Variants in UBE2H observed in about 807,000 individuals in gnomAD.
UBE2H encodes the protein ubiquitin-conjugating enzyme E2 H.
In UBE2H, 3 loss-of-function variants were observed where a neutral mutation model predicts 29.0. That is an observed-to-expected ratio of 0.10 (90% CI 0.05 to 0.27). The LOEUF (loss-of-function observed/expected upper bound fraction) is 0.27. Ranked by LOEUF, UBE2H falls within the 10% of genes least tolerant of loss-of-function variation. The pLI, the probability that UBE2H is intolerant of heterozygous loss-of-function variation, is 1.00. For synonymous variants in UBE2H, 69 were observed against 82.9 expected (o/e 0.83, Z 0.91); for missense variants, 68 against 228.2 (o/e 0.30, Z 4.52).
At chr7:129,842,809 A>T (rs1158294523) in intron 5 of UBE2H, among the ~76,000 whole-genome samples, 1 of 151,810 alleles carries the variant, frequency 6.6e-6, no homozygotes, top group Non-Finnish European at 1.5e-5. Flanking sequence ...AGGCTGAGGC[A>T]GGAGAATTGC....
intron 1 of UBE2H, among the ~76,000 whole-genome samples, chr7:129,942,499 A>C (rs1807668343): frequency 6.6e-6 from 1 of 152,160 alleles, no homozygotes; most frequent in African/African-American, 2.4e-5. Context: ...CACACACACA[A>C]AAATTCCAGG....
chr7:129,902,143 A>C (rs1176047914), intron 1 of UBE2H, among the ~76,000 whole-genome samples: 2 of 152,214 alleles, frequency 1.3e-5, no homozygotes, highest in Non-Finnish European at 2.9e-5. Flanking sequence ...ATGAATAAAA[A>C]AATGTAACTT....
intron 1 of UBE2H, among the ~76,000 whole-genome samples, chr7:129,898,847 C>T (rs1437610468): frequency 6.7e-6 from 1 of 149,152 alleles, no homozygotes; most frequent in African/African-American, 2.5e-5. Flanking sequence ...AAAAACATGA[C>T]TGGGGCTTAA....
At chr7:129,863,808 G>GTTTTTTTTTTTCTGTTT (rs1554432032) in intron 3 of UBE2H, among the ~76,000 whole-genome samples, 50 of 136,044 alleles carry the variant, frequency 3.7e-4, no homozygotes, top group Middle Eastern at 7.5e-3. Flanking sequence ...AATACTAGGT[G>GTTTTTTTTTTTCTGTTT]TTTTTTTTTT....
chr7:129,895,697 G>A (rs1008743996), intron 1 of UBE2H, among the ~76,000 whole-genome samples: 5 of 151,972 alleles, frequency 3.3e-5, no homozygotes, highest in African/African-American at 1.2e-4. Flanking sequence ...TCAGGAGATC[G>A]AGACCATCCT....
At chr7:129,889,564 C>G (rs1044605629) in intron 1 of UBE2H, among the ~76,000 whole-genome samples, 1 of 152,224 alleles carries the variant, frequency 6.6e-6, no homozygotes, top group African/African-American at 2.4e-5. Context: ...CCACTTACTC[C>G]TAACATTCCC....
chr7:129,917,145 G>A (rs1244795187), intron 1 of UBE2H, among the ~76,000 whole-genome samples: 1 of 152,058 alleles, frequency 6.6e-6, no homozygotes, highest in Non-Finnish European at 1.5e-5. Flanking sequence ...AGTGAGCCGA[G>A]ATCGTGCCAC....
intron 1 of UBE2H, among the ~76,000 whole-genome samples, chr7:129,925,381 G>A (rs898097345): frequency 4.0e-5 from 6 of 151,794 alleles, no homozygotes; most frequent in African/African-American, 7.3e-5. Flanking sequence ...AAAAATTCAC[G>A]GTGTTCTCCA....
chr7:129,918,771 T>A (rs140193947), intron 1 of UBE2H, among the ~76,000 whole-genome samples: 4 of 152,268 alleles, frequency 2.6e-5, no homozygotes, highest in African/African-American at 7.2e-5. Context: ...TCTATGTATA[T>A]GTTTAACATG....
intron 1 of UBE2H, among the ~76,000 whole-genome samples, chr7:129,933,617 A>T (rs1023417914): frequency 1.3e-5 from 2 of 151,338 alleles, no homozygotes; most frequent in Non-Finnish European, 3.0e-5. Flanking sequence ...AATGAACACT[A>T]CATAAAAAGG....
intron 5 of UBE2H, among the ~76,000 whole-genome samples, chr7:129,848,201 C>T (rs1255158706): frequency 5.3e-5 from 8 of 152,042 alleles, no homozygotes; most frequent in African/African-American, 1.7e-4. Context: ...CCAGCCTGGA[C>T]GACAGAGCAA....
chr7:129,912,098 G>C (rs868639554), intron 1 of UBE2H, among the ~76,000 whole-genome samples: 2 of 152,168 alleles, frequency 1.3e-5, no homozygotes, highest in Non-Finnish European at 1.5e-5. Context: ...CTTCAGTTTA[G>C]GGGTCCACGA....
At chr7:129,842,941 C>T (rs1313021904) in intron 5 of UBE2H, among the ~76,000 whole-genome samples, 1 of 148,682 alleles carries the variant, frequency 6.7e-6, no homozygotes, top group African/African-American at 2.5e-5. Flanking sequence ...AGTAGTTTTA[C>T]AATTGAATGT....
intron 1 of UBE2H, among the ~76,000 whole-genome samples, chr7:129,920,123 C>T (rs368430231): frequency 6.6e-6 from 1 of 152,130 alleles, no homozygotes; most frequent in Non-Finnish European, 1.5e-5. Flanking sequence ...GATATTTATT[C>T]ATATCTCAAG....
In UBE2H at chr7:129,833,260, T is replaced by C. The variant is rs1402701552; in HGVS notation, c.*1677A>G. Reference sequence around the variant, plus strand: ...GATTGTGCTTTTTGAATAAAAAAGATAGGGTATCTTCCAACCTCACTGACT... The same window carrying C: ...GATTGTGCTTTTTGAATAAAAAAGACAGGGTATCTTCCAACCTCACTGACT... On this transcript the variant is annotated 3_prime_UTR_variant, in exon 7 of 7. Coordinates refer to ENST00000355621, the MANE Select transcript of UBE2H (RefSeq NM_003344.4). 6.6e-6 allele frequency: 1 copy of C among 152,646 alleles called. No individual in the cohort carries two copies. Among genetic ancestry groups the C allele is most frequent in the Non-Finnish European group, 1.5e-5 (1 of 68,046 alleles). 9.5% of individuals were successfully genotyped at this position (152,646 alleles called of 1,614,324 possible).
chr7:129,861,611 G>C (rs1030761899), intron 3 of UBE2H, among the ~76,000 whole-genome samples: 1 of 152,208 alleles, frequency 6.6e-6, no homozygotes, highest in African/African-American at 2.4e-5. Context: ...CATAGTATCA[G>C]CTGGCCACAG....
chr7:129,856,002 C>G (rs1191030477), intron 5 of UBE2H, among the ~76,000 whole-genome samples: 1 of 152,092 alleles, frequency 6.6e-6, no homozygotes, highest in Non-Finnish European at 1.5e-5. Flanking sequence ...GGAAACTGCT[C>G]TGAGGAAGTA....
chr7:129,921,129 A>C (rs1807153484), intron 1 of UBE2H, among the ~76,000 whole-genome samples: 1 of 152,088 alleles, frequency 6.6e-6, no homozygotes, highest in Non-Finnish European at 1.5e-5. Flanking sequence ...AATTTCACTT[A>C]CTTGGTAACA....
chr7:129,867,723 C>CAAA (rs1563027569), intron 3 of UBE2H, among the ~76,000 whole-genome samples: 2 of 65,564 alleles, frequency 3.1e-5, no homozygotes, highest in African/African-American at 7.1e-5. Flanking sequence ...AAAAAGAAAA[C>CAAA]CAAAAAAAAA....
Sources: gnomAD v4.1 joint callset for allele counts (sites outside exome capture counted in the v4.1 genomes callset) on GRCh38, gnomAD v4.1.1 for gene constraint, MANE v1.5 for transcripts, NCBI Gene and HGNC (gene_info 2026-07-23, HGNC 2026-07-21) for gene names.